The following KCNH8 variants were observed in gnomAD, a reference collection of about 807,000 sequenced individuals.
The protein encoded by KCNH8 is voltage-gated delayed rectifier potassium channel KCNH8.
A neutral mutation model predicts 103.6 loss-of-function variants in KCNH8; 70 were observed. The observed-to-expected ratio is 0.68, with a 90% CI of 0.56 to 0.82. The LOEUF (loss-of-function observed/expected upper bound fraction) is 0.82. KCNH8 is among the 40% of genes least tolerant of loss of function. The pLI is 0.00. For synonymous variants in KCNH8, 498 were observed against 489.4 expected (o/e 1.02, Z -0.23); for missense variants, 1,217 against 1,329.9 (o/e 0.92, Z 1.32).
chr3:19,239,780 TAATAA>T (rs939290820), intron 1 of KCNH8, among the ~76,000 whole-genome samples: 9 of 152,150 alleles, frequency 5.9e-5, no homozygotes, highest in African/African-American at 2.2e-4. Flanking sequence ...CATGCATTTA[TAATAA>T]AATTAAATTT....
chr3:19,404,110 G>T (rs2066656407), intron 7 of KCNH8, among the ~76,000 whole-genome samples: 1 of 151,894 alleles, frequency 6.6e-6, no homozygotes, highest in African/African-American at 2.4e-5. Context: ...ATTTCACCAA[G>T]TTACAAGAGA....
chr3:19,499,255 A>C (rs1329720262), intron 11 of KCNH8, among the ~76,000 whole-genome samples: 2 of 152,188 alleles, frequency 1.3e-5, no homozygotes, highest in Non-Finnish European at 2.9e-5. Flanking sequence ...GAATAAAAAG[A>C]AACGAGCAAA....
At chr3:19,222,672 T>C (rs2063888777) in intron 1 of KCNH8, among the ~76,000 whole-genome samples, 1 of 152,138 alleles carries the variant, frequency 6.6e-6, no homozygotes, top group South Asian at 2.1e-4. Flanking sequence ...ATAATAAGTT[T>C]TGATAAAAGT....
At chr3:19,474,827 A>T (rs1198960032) in intron 11 of KCNH8, among the ~76,000 whole-genome samples, 2 of 152,180 alleles carry the variant, frequency 1.3e-5, no homozygotes, top group Non-Finnish European at 2.9e-5. Flanking sequence ...ATTATTGCTA[A>T]TGAAGCATAT....
Position 19,172,920 on chromosome 3 carries a change from A to G in KCNH8, c.76+24125A>G, listed in dbSNP as rs138858583. The stretch of plus-strand genomic sequence containing the variant: ...CATCTCCTGCTATCTGCTTACCTAT[A>G]TGCCTTCTTGGATGTATGTTATTGA... On this transcript the variant is annotated intron_variant, in intron 1 of 15. Coordinates refer to ENST00000328405, the MANE Select transcript of KCNH8 (RefSeq NM_144633.3). Among the ~76,000 whole-genome samples the G allele has an allele frequency of 2.5e-3, 373 of 152,120 alleles. 1 individual carries two copies. Among genetic ancestry groups the G allele is most frequent in the African/African-American group, 8.6e-3 (358 of 41,466 alleles).
chr3:19,381,750 C>A (rs1038128115), intron 5 of KCNH8, among the ~76,000 whole-genome samples: 4 of 152,148 alleles, frequency 2.6e-5, no homozygotes, highest in African/African-American at 9.6e-5. Flanking sequence ...ATATACAGAG[C>A]AACATGAAAT....
intron 8 of KCNH8, among the ~76,000 whole-genome samples, chr3:19,443,382 A>G (rs937650926): frequency 3.3e-5 from 5 of 150,244 alleles, no homozygotes; most frequent in Non-Finnish European, 7.4e-5. Flanking sequence ...TTATATATAT[A>G]TATAAATATA....
At chr3:19,250,302 C>G (rs2064260144) in intron 1 of KCNH8, among the ~76,000 whole-genome samples, 1 of 151,694 alleles carries the variant, frequency 6.6e-6, no homozygotes, top group Non-Finnish European at 1.5e-5. Context: ...GAAGAGAATG[C>G]AAAAATTAAG....
chr3:19,514,056 T>C (rs1414657527), intron 13 of KCNH8, among the ~76,000 whole-genome samples: 1 of 152,150 alleles, frequency 6.6e-6, no homozygotes, highest in Non-Finnish European at 1.5e-5. Flanking sequence ...CATTCACAAT[T>C]GCATTTAATC....
At chr3:19,252,624 G>A (rs879913317) in intron 1 of KCNH8, among the ~76,000 whole-genome samples, 3 of 151,954 alleles carry the variant, frequency 2.0e-5, no homozygotes, top group East Asian at 1.9e-4. Context: ...TCCTGACCTC[G>A]TGATCCACCC....
chr3:19,313,017 T>C (rs940269690), intron 3 of KCNH8, among the ~76,000 whole-genome samples: 3 of 127,326 alleles, frequency 2.4e-5, no homozygotes, highest in African/African-American at 7.3e-5. Context: ...ATAACTGCTA[T>C]TGGCTGCTTT....
chr3:19,270,238 A>G (rs2064569393), intron 2 of KCNH8, among the ~76,000 whole-genome samples: 1 of 152,142 alleles, frequency 6.6e-6, no homozygotes, highest in African/African-American at 2.4e-5. Context: ...TAAAGCCAAA[A>G]ATATTTAGTC....
intron 2 of KCNH8, among the ~76,000 whole-genome samples, chr3:19,256,834 A>G (rs1044724083): frequency 6.6e-6 from 1 of 152,052 alleles, no homozygotes; most frequent in Non-Finnish European, 1.5e-5. Flanking sequence ...CGCCATGGGG[A>G]ATTGCCTGAC....
intron 1 of KCNH8, among the ~76,000 whole-genome samples, chr3:19,234,239 C>G (rs920143816): frequency 1.3e-5 from 2 of 152,200 alleles, no homozygotes; most frequent in Admixed American, 6.5e-5. Flanking sequence ...GATCCCGCAC[C>G]GGGGCTGCAG....
intron 2 of KCNH8, among the ~76,000 whole-genome samples, chr3:19,274,801 TTA>T (rs2064639633): frequency 1.5e-5 from 2 of 136,660 alleles, no homozygotes; most frequent in South Asian, 2.4e-4. Flanking sequence ...TTTCAATCAG[TTA>T]ATCATAACTT....
intron 3 of KCNH8, among the ~76,000 whole-genome samples, chr3:19,306,924 A>T (rs566290654): frequency 2.0e-5 from 3 of 150,692 alleles, no homozygotes; most frequent in African/African-American, 7.2e-5. Flanking sequence ...AATCCTGAGC[A>T]AAAAAAGAAG....
At chr3:19,507,023 T>C (rs1453671636) in intron 11 of KCNH8, among the ~76,000 whole-genome samples, 3 of 151,996 alleles carry the variant, frequency 2.0e-5, no homozygotes, top group African/African-American at 7.3e-5. Context: ...CCTTCAATTG[T>C]CTCTGGGACC....
At chr3:19,303,622 C>T (rs1342479391) in intron 3 of KCNH8, among the ~76,000 whole-genome samples, 1 of 152,070 alleles carries the variant, frequency 6.6e-6, no homozygotes, top group Non-Finnish European at 1.5e-5. Flanking sequence ...AAAGCTATCA[C>T]GTTCCCTGGA....
chr3:19,402,863 T>C (rs759351366), intron 7 of KCNH8, among the ~76,000 whole-genome samples: 1 of 151,926 alleles, frequency 6.6e-6, no homozygotes, highest in Non-Finnish European at 1.5e-5. Context: ...TTATAGTATC[T>C]CATCATTTAT....
Sources: gnomAD v4.1 joint callset for allele counts (sites outside exome capture counted in the v4.1 genomes callset) on GRCh38, gnomAD v4.1.1 for gene constraint, MANE v1.5 for transcripts, NCBI Gene and HGNC (gene_info 2026-07-23, HGNC 2026-07-21) for gene names.